ITGA9: variants seen among roughly 807,000 people sequenced by gnomAD.
ITGA9 encodes the protein integrin subunit alpha 9.
A neutral mutation model predicts 127.8 loss-of-function variants in ITGA9; 56 were observed. The observed-to-expected ratio is 0.44, with a 90% confidence interval of 0.35 to 0.55. ITGA9 has a LOEUF of 0.55. Ranked by LOEUF, ITGA9 falls within the 20% of genes least tolerant of loss-of-function variation. The pLI, the probability that ITGA9 is intolerant of heterozygous loss-of-function variation, is 0.00. For synonymous variants in ITGA9, 508 were observed against 514.5 expected (o/e 0.99, Z 0.17); for missense variants, 1,196 against 1,347.1 (o/e 0.89, Z 1.76).
At chr3:37,508,944 C>T (rs923980459) in intron 8 of ITGA9, among the ~76,000 whole-genome samples, 5 of 152,144 alleles carry the variant, frequency 3.3e-5, no homozygotes, top group Non-Finnish European at 4.4e-5. Flanking sequence ...TGCCTCCATC[C>T]TTTCTCAACG....
intron 15 of ITGA9, among the ~76,000 whole-genome samples, chr3:37,565,484 C>A (rs924816860): frequency 1.3e-5 from 2 of 152,190 alleles, no homozygotes; most frequent in Non-Finnish European, 2.9e-5. Flanking sequence ...AGTTCCCCTA[C>A]CTCATGTGAT....
intron 4 of ITGA9, among the ~76,000 whole-genome samples, chr3:37,493,233 T>C (rs1698690598): frequency 6.6e-6 from 1 of 152,164 alleles, no homozygotes; most frequent in Non-Finnish European, 1.5e-5. Flanking sequence ...CCAGGGCCCT[T>C]TTTCCCCTTG....
chr3:37,516,014 A>G (rs1170136974), intron 9 of ITGA9, among the ~76,000 whole-genome samples: 1 of 152,226 alleles, frequency 6.6e-6, no homozygotes, highest in African/African-American at 2.4e-5. Flanking sequence ...TGAAGGGGAC[A>G]TTAAATAAAT....
intron 15 of ITGA9, among the ~76,000 whole-genome samples, chr3:37,614,217 A>G (rs992116165): frequency 5.9e-5 from 9 of 152,198 alleles, no homozygotes; most frequent in Non-Finnish European, 1.3e-4. Flanking sequence ...TTTATTAAAT[A>G]GGGAATCCTT....
rs113088652 is a variant in ITGA9, at chr3:37,559,066, A to G, written c.1689+16481A>G. Among the ~76,000 whole-genome samples the G allele has an allele frequency of 8.1e-3, 1,230 of 152,330 alleles. 20 individuals carry two copies. The highest frequency in any genetic ancestry group is 0.026 in the African/African-American group (1,100 of 41,564). Reference sequence around the variant, plus strand: ...TAAAGCAGGGAGCTTATGGCATTCAACACTGTCACCCTGGGAATAGGACCC... The same window carrying G: ...TAAAGCAGGGAGCTTATGGCATTCAGCACTGTCACCCTGGGAATAGGACCC... On this transcript the variant is annotated intron_variant, in intron 15 of 27. Coordinates refer to ENST00000264741, the MANE Select transcript of ITGA9 (RefSeq NM_002207.3).
chr3:37,803,375 G>A lies in ITGA9; in HGVS notation c.2890-448G>A, dbSNP rs546145283. Among the ~76,000 whole-genome samples, 8 of 152,296 alleles carry A rather than the reference G, an allele frequency of 5.3e-5. No homozygotes were observed. The East Asian group carries it at 1.2e-3, about 22-fold the overall frequency. ...TCCATCAGTTTGCAACCAGAAAATC[G>A]TTCAGCGGAGCTTATGTATTTATTT... On this transcript the variant is annotated intron_variant, in intron 26 of 27. Transcript: ENST00000264741.
chr3:37,768,939 G>A (rs545904981), intron 23 of ITGA9, among the ~76,000 whole-genome samples: 1 of 152,168 alleles, frequency 6.6e-6, no homozygotes, highest in Admixed American at 6.5e-5. Context: ...ATCAAGCCAT[G>A]GACACTTTGG....
At chr3:37,460,167 G>A (rs1698301372) in intron 1 of ITGA9, among the ~76,000 whole-genome samples, 1 of 152,132 alleles carries the variant, frequency 6.6e-6, no homozygotes, top group African/African-American at 2.4e-5. Context: ...TCTGAATTGG[G>A]GAAGGTAGCC....
intron 12 of ITGA9, among the ~76,000 whole-genome samples, chr3:37,525,223 A>G (rs965148504): frequency 7.2e-5 from 11 of 152,200 alleles, no homozygotes; most frequent in African/African-American, 2.7e-4. Context: ...AATAAACATT[A>G]CCAGTTAAAC....
intron 15 of ITGA9, among the ~76,000 whole-genome samples, chr3:37,585,355 C>T (rs1348824190): frequency 6.6e-6 from 1 of 152,192 alleles, no homozygotes; most frequent in East Asian, 1.9e-4. Flanking sequence ...ATGGTCACTT[C>T]TCTTCTAGCC....
In ITGA9 at chr3:37,806,897, T is replaced by G. The variant is rs1697305739; in HGVS notation, c.3009+2955T>G. 6.6e-6 allele frequency: 1 copy of G among 152,280 alleles called. No homozygotes were observed. The highest frequency in any genetic ancestry group is 6.5e-5 in the Admixed American group (1 of 15,288). 9.4% of individuals were successfully genotyped at this position (152,280 alleles called of 1,614,324 possible). On this transcript the variant is annotated intron_variant, in intron 27 of 27. Coordinates refer to ENST00000264741, the MANE Select transcript of ITGA9 (RefSeq NM_002207.3). This position sits in a 1 kb window ranked among gnomAD's most constrained non-coding sequence, Gnocchi z 4.3. Reference sequence around the variant, plus strand: ...CGCTTACTTTGCCCCAGTCCTTGCTTTGCCTGGACTAGGCACTGGGATGCA... The same window carrying G: ...CGCTTACTTTGCCCCAGTCCTTGCTGTGCCTGGACTAGGCACTGGGATGCA...
At chr3:37,518,458 C>G (rs1428916489) in intron 10 of ITGA9, among the ~76,000 whole-genome samples, 1 of 152,152 alleles carries the variant, frequency 6.6e-6, no homozygotes, top group African/African-American at 2.4e-5. Flanking sequence ...AGGTTTTGTT[C>G]TAGGAGTTGC....
intron 15 of ITGA9, among the ~76,000 whole-genome samples, chr3:37,599,903 G>A (rs777337405): frequency 2.6e-5 from 4 of 152,160 alleles, no homozygotes; most frequent in Non-Finnish European, 5.9e-5. Context: ...CTTCCCTGAG[G>A]CAGTAGGGGA....
chr3:37,772,722 G>A (rs543534365), intron 23 of ITGA9, among the ~76,000 whole-genome samples: 5 of 152,282 alleles, frequency 3.3e-5, no homozygotes, highest in South Asian at 4.2e-4. Context: ...ATCTCCTTTT[G>A]AAAGGGGACC....
intron 20 of ITGA9, among the ~76,000 whole-genome samples, chr3:37,739,760 C>T (rs1010184787): frequency 6.6e-5 from 10 of 151,470 alleles, no homozygotes; most frequent in Admixed American, 6.6e-5. Context: ...ACAGATGAGA[C>T]GGTTGGGCCT....
At chr3:37,477,389 G>A (rs1237987800) in intron 3 of ITGA9, among the ~76,000 whole-genome samples, 2 of 152,202 alleles carry the variant, frequency 1.3e-5, no homozygotes, top group African/African-American at 2.4e-5. Flanking sequence ...GGCGTGAAAT[G>A]TCTCAGTGAC....
chr3:37,818,250 C>CT (rs1697464078), intron 27 of ITGA9: 4 of 107,030 alleles, frequency 3.7e-5, no homozygotes, highest in Non-Finnish European at 5.3e-5. Flanking sequence ...GACCATGAAA[C>CT]CTTTTTTTTT....
At chr3:37,745,251 C>T (rs1696486894) in intron 22 of ITGA9, among the ~76,000 whole-genome samples, 1 of 152,228 alleles carries the variant, frequency 6.6e-6, no homozygotes, top group Non-Finnish European at 1.5e-5. Context: ...CAGCAACAGA[C>T]TGCGAAACCA....
intron 17 of ITGA9, among the ~76,000 whole-genome samples, chr3:37,654,657 A>G (rs1700460379): frequency 1.3e-5 from 2 of 152,184 alleles, no homozygotes. Context: ...ATGAAATGAC[A>G]TGAATATACT....
Sources: gnomAD v4.1 joint callset for allele counts (sites outside exome capture counted in the v4.1 genomes callset) on GRCh38, gnomAD v4.1.1 for gene constraint, Gnocchi (gnomAD v3.1) non-coding constraint, MANE v1.5 for transcripts, NCBI Gene and HGNC (gene_info 2026-07-23, HGNC 2026-07-21) for gene names.